Variants in MPDZ observed in about 807,000 individuals in gnomAD.
MPDZ encodes the protein multiple PDZ domain crumbs cell polarity complex component.
Under a neutral mutation model 239.1 loss-of-function variants are expected in MPDZ, and 234 were observed. The observed-to-expected ratio is 0.98, with a 90% CI of 0.88 to 1.09. The LOEUF (loss-of-function observed/expected upper bound fraction) is 1.09. Ranked by LOEUF, MPDZ falls within the 50% of genes least tolerant of loss-of-function variation. The pLI is 0.00. For synonymous variants in MPDZ, 1,048 were observed against 881.3 expected, an observed-to-expected ratio of 1.19 and a Z score of -3.35; for missense variants, 3,175 against 2,510.0, an observed-to-expected ratio of 1.26 and a Z score of -5.66.
At chr9:13,267,169 G>A (rs981307395) in intron 1 of MPDZ, among the ~76,000 whole-genome samples, 1 of 152,116 alleles carries the variant, frequency 6.6e-6, no homozygotes, top group East Asian at 1.9e-4. Flanking sequence ...GACTGCTATC[G>A]CATGTTATAA....
intron 1 of MPDZ, among the ~76,000 whole-genome samples, chr9:13,251,786 T>A (rs1013424203): frequency 1.3e-5 from 2 of 152,214 alleles, no homozygotes; most frequent in African/African-American, 4.8e-5. Flanking sequence ...CTTATCCCAA[T>A]GTAGAATATA....
intron 4 of MPDZ, among the ~76,000 whole-genome samples, chr9:13,223,976 G>A (rs1959687634): frequency 6.6e-6 from 1 of 151,988 alleles, no homozygotes. Flanking sequence ...TGGGACTGTA[G>A]TGAGCTATGA....
chr9:13,267,900 A>C (rs755705736), intron 1 of MPDZ, among the ~76,000 whole-genome samples: 3 of 152,148 alleles, frequency 2.0e-5, no homozygotes, highest in Non-Finnish European at 4.4e-5. Context: ...ACCAAAGTGA[A>C]ATCTGATCTC....
chr9:13,247,676 T>C lies in MPDZ; in HGVS notation c.142A>G (p.Ile48Val). Residue 48 changes from isoleucine (I) to valine (V), a missense_variant, in exon 3 of 47, where the codon ATT becomes GTT. Transcript: ENST00000319217. ...SVLQSPLFSQ[I>V]LSLQTSVQQL... ...TGTACAGAAGTCTGAAGGCTCAGAATCTGACTGAAGAGAGGGCTCTGCAGG... is the reference window on the plus strand; with the variant it reads ...TGTACAGAAGTCTGAAGGCTCAGAACCTGACTGAAGAGAGGGCTCTGCAGG... The C allele has an allele frequency of 6.2e-7, 1 of 1,613,580 alleles. No homozygotes were observed. The highest frequency in any genetic ancestry group is 8.5e-7 in the Non-Finnish European group (1 of 1,179,598).
chr9:13,117,049 G>C (rs1943572999), intron 39 of MPDZ, among the ~76,000 whole-genome samples: 1 of 151,662 alleles, frequency 6.6e-6, no homozygotes, highest in African/African-American at 2.4e-5. Flanking sequence ...CTATATATAA[G>C]GTTTAATTTA....
At chr9:13,176,641 C>T (rs1952530701) in intron 19 of MPDZ, among the ~76,000 whole-genome samples, 2 of 152,136 alleles carry the variant, frequency 1.3e-5, no homozygotes, top group Admixed American at 6.6e-5. Flanking sequence ...AGTCATACAT[C>T]TCACGTTCTA....
chr9:13,158,018 C>A lies in MPDZ; in HGVS notation c.3452G>T (p.Arg1151Leu). The A allele has an allele frequency of 6.2e-7, 1 of 1,611,496 alleles. No individual in the cohort carries two copies. The highest frequency in any genetic ancestry group is 8.5e-7 in the Non-Finnish European group (1 of 1,178,370). The change falls in exon 24 of 47, where the codon CGG becomes CTG. Residue 1151 changes from arginine to leucine, a missense_variant and splice_region_variant. Physicochemically the swap from Arg to Leu is moderately radical, Grantham distance 102. Transcript: ENST00000319217. ...GACAGAAGACAGAAATAGTCCTTAC[C>A]GCCTGGGCTGATTCCAATTGCTATA... The part of the protein sequence containing the change: ...TAYSNWNQPR[R>L]VELWREPSKS...
chr9:13,165,383 G>C (rs1002601206), intron 22 of MPDZ: 2 of 1,549,442 alleles, frequency 1.3e-6, no homozygotes, highest in African/African-American at 1.4e-5. Flanking sequence ...AAGGGGGCTC[G>C]ATCGTCAGCA....
At chr9:13,182,774 A>G (rs1305899446) in intron 19 of MPDZ, among the ~76,000 whole-genome samples, 1 of 152,184 alleles carries the variant, frequency 6.6e-6, no homozygotes, top group East Asian at 1.9e-4. Flanking sequence ...CTTATTGAAC[A>G]TTATAGAGTA....
intron 5 of MPDZ, 96 bp downstream of exon 5, chr9:13,223,475 G>C: frequency 1.5e-6 from 2 of 1,364,052 alleles, no homozygotes; most frequent in Non-Finnish European, 1.9e-6. Flanking sequence ...TCAATTTTTT[G>C]TTGCCATTCA....
intron 2 of MPDZ, among the ~76,000 whole-genome samples, chr9:13,248,014 C>T (rs974971449): frequency 1.3e-5 from 2 of 151,988 alleles, no homozygotes; most frequent in African/African-American, 4.8e-5. Context: ...ATCACTTGAG[C>T]TCAGGAGTTC....
intron 13 of MPDZ, among the ~76,000 whole-genome samples, chr9:13,195,244 C>T (rs1414316563): frequency 6.6e-6 from 1 of 152,056 alleles, no homozygotes; most frequent in African/African-American, 2.4e-5. Flanking sequence ...GCCATGACTG[C>T]ACCACTGCAC....
At chr9:13,123,016 A>G in intron 36 of MPDZ, 137 bp downstream of exon 36, 1 of 909,294 alleles carries the variant, frequency 1.1e-6, no homozygotes, top group Non-Finnish European at 1.6e-6. Context: ...TATTTGCCCT[A>G]TAAATTAAAA....
In MPDZ at chr9:13,219,715, T is replaced by G; in HGVS notation, c.930A>C (p.Leu310=). Residue 310 remains leucine, a synonymous_variant, in exon 8 of 47, where the codon CTA becomes CTC. Coordinates refer to ENST00000319217, the MANE Select transcript of MPDZ (RefSeq NM_001378778.1). ...DHILKIGDTD[L]AGMSSEQVAQ... Reference sequence around the variant, plus strand: ...CTACTTGCTCACTGCTCATTCCTGCTAGATCTGTGTCACCAATCTTTAGAA... The same window carrying G: ...CTACTTGCTCACTGCTCATTCCTGCGAGATCTGTGTCACCAATCTTTAGAA... The G allele has an allele frequency of 1.9e-6, 3 of 1,612,770 alleles. No homozygotes were observed. The highest frequency in any genetic ancestry group is 2.5e-6 in the Non-Finnish European group (3 of 1,179,198).
At chr9:13,183,280 T>TA in intron 19 of MPDZ, 138 bp downstream of exon 19, 1 of 644,246 alleles carries the variant, frequency 1.6e-6, no homozygotes. Context: ...AATTGTACTT[T>TA]AATCCAATAA....
chr9:13,116,221 A>G (rs530670618), intron 39 of MPDZ, among the ~76,000 whole-genome samples: 1 of 152,322 alleles, frequency 6.6e-6, no homozygotes, highest in African/African-American at 2.4e-5. Flanking sequence ...AAGTAGCACA[A>G]GAAGGTGTTT....
chr9:13,213,551 T>G (rs1055840069), intron 10 of MPDZ, among the ~76,000 whole-genome samples: 1 of 152,064 alleles, frequency 6.6e-6, no homozygotes, highest in Non-Finnish European at 1.5e-5. Flanking sequence ...AAGATGGTGA[T>G]ATTTAGTAAA....
chr9:13,125,874 G>A (rs1407789750), intron 34 of MPDZ, among the ~76,000 whole-genome samples: 1 of 152,114 alleles, frequency 6.6e-6, no homozygotes, highest in African/African-American at 2.4e-5. Context: ...ATGGGTTAAA[G>A]GATCTGGCCT....
intron 32 of MPDZ, among the ~76,000 whole-genome samples, chr9:13,128,693 C>A (rs1212885359): frequency 6.6e-6 from 1 of 152,180 alleles, no homozygotes; most frequent in Non-Finnish European, 1.5e-5. Context: ...TGGTCACAGT[C>A]CCTGGCTCAA....
Sources: allele counts gnomAD v4.1 joint callset (sites outside exome capture counted in the v4.1 genomes callset), GRCh38; gene constraint gnomAD v4.1.1; transcripts MANE v1.5; gene names NCBI Gene and HGNC (gene_info 2026-07-23, HGNC 2026-07-21).